Variants in LRSAM1 observed in about 807,000 individuals in gnomAD.
LRSAM1 encodes the protein E3 ubiquitin-protein ligase LRSAM1.
In LRSAM1, 96 loss-of-function variants were observed where a neutral mutation model predicts 118.1. The observed-to-expected ratio is 0.81, with a 90% CI of 0.69 to 0.96. The LOEUF is 0.96. Among genes scored for constraint, LRSAM1 ranks in the 40% least tolerant of loss-of-function variants. The pLI, the probability that LRSAM1 is intolerant of heterozygous loss-of-function variation, is 0.00. For synonymous variants in LRSAM1, 322 were observed against 364.2 expected (o/e 0.88, Z 1.32); for missense variants, 804 against 915.5 (o/e 0.88, Z 1.57).
At chr9:127,458,359 G>T (rs7874857) in intron 6 of LRSAM1, among the ~76,000 whole-genome samples, 2 of 150,268 alleles carry the variant, frequency 1.3e-5, no homozygotes, top group Non-Finnish European at 1.5e-5. Context: ...TCCGCAGTCC[G>T]GCGTGGGCGA....
intron 19 of LRSAM1, among the ~76,000 whole-genome samples, chr9:127,490,728 C>T (rs1352622654): frequency 6.6e-6 from 1 of 152,198 alleles, no homozygotes; most frequent in Non-Finnish European, 1.5e-5. Flanking sequence ...GCAGCACAGG[C>T]CTAGCACATA....
intron 18 of LRSAM1, among the ~76,000 whole-genome samples, chr9:127,488,518 T>C (rs1001622242): frequency 1.3e-5 from 2 of 152,080 alleles, no homozygotes; most frequent in Non-Finnish European, 2.9e-5. Flanking sequence ...CACCTCGGCC[T>C]CCCAAAGTGC....
chr9:127,488,419 G>A (rs905062596), intron 18 of LRSAM1, among the ~76,000 whole-genome samples: 11 of 151,770 alleles, frequency 7.2e-5, no homozygotes, highest in African/African-American at 2.4e-4. Flanking sequence ...CCACCAACAC[G>A]CCCAACTAAT....
At chr9:127,476,678 T>G (rs1835360021) in intron 11 of LRSAM1, among the ~76,000 whole-genome samples, 1 of 152,130 alleles carries the variant, frequency 6.6e-6, no homozygotes, top group African/African-American at 2.4e-5. Context: ...GGAATTGTTT[T>G]CTTTTTTCTT....
chr9:127,489,313 T>A, intron 18 of LRSAM1, 131 bp from the exon 19 acceptor site: 1 of 1,075,440 alleles, frequency 9.3e-7, no homozygotes, highest in Non-Finnish European at 1.4e-6. Flanking sequence ...TGAGGTGAAA[T>A]CTTCTCCCTC....
chr9:127,482,140 C>CTTTTTTTTTTTTTTTT (rs769821359), intron 15 of LRSAM1, among the ~76,000 whole-genome samples: 1 of 117,944 alleles, frequency 8.5e-6, no homozygotes. Context: ...TTTAGTATAT[C>CTTTTTTTTTTTTTTTT]TTTTTTTTTT....
At chr9:127,469,748 C>G (rs908343545) in intron 10 of LRSAM1, among the ~76,000 whole-genome samples, 3 of 152,048 alleles carry the variant, frequency 2.0e-5, no homozygotes, top group Non-Finnish European at 4.4e-5. Flanking sequence ...CGGATCATGA[C>G]GTCAGAAGAT....
intron 19 of LRSAM1, among the ~76,000 whole-genome samples, chr9:127,490,580 A>G (rs1301534753): frequency 1.3e-5 from 2 of 152,134 alleles, no homozygotes; most frequent in African/African-American, 4.8e-5. Flanking sequence ...ATCCCAGAGA[A>G]AGGGATCTCT....
At chr9:127,480,130 C>T (rs943896763) in intron 14 of LRSAM1, 152 bp downstream of exon 14, 16 of 1,019,844 alleles carry the variant, frequency 1.6e-5, no homozygotes, top group African/African-American at 3.2e-5. Flanking sequence ...CTGGCACCAG[C>T]GTAGAGAGAA....
Position 127,482,938 on chromosome 9 carries a change from A to AT in LRSAM1, c.1089-5dup, listed in dbSNP as rs1180277531. 2 of 1,552,438 alleles carry AT rather than the reference A, an allele frequency of 1.3e-6. No homozygotes were observed. Among genetic ancestry groups the AT allele is most frequent in the Non-Finnish European group, 8.7e-7 (1 of 1,147,240 alleles). On this transcript the variant is annotated splice_polypyrimidine_tract_variant and intron_variant, in intron 15 of 25. Transcript: ENST00000300417. ...TTAAATTTGCTGAATGAATGGATGGATTTTTTTCTAGAATAAGAATGGAAC... is the reference window on the plus strand; with the variant it reads ...TTAAATTTGCTGAATGAATGGATGGATTTTTTTTCTAGAATAAGAATGGAAC...
Position 127,465,509 on chromosome 9 carries a change from T to C in LRSAM1, c.529-2231T>C. On this transcript the variant is annotated intron_variant, in intron 9 of 25. Transcript: ENST00000300417. The surrounding 1 kb of genome is among the most constrained non-coding windows in gnomAD (Gnocchi z 4.1). Reference sequence around the variant, plus strand: ...TACTGATGGTGACTAAGAGCACCCATGTGGGGTTCATTTGCTTCCAGGTAT... The same window carrying C: ...TACTGATGGTGACTAAGAGCACCCACGTGGGGTTCATTTGCTTCCAGGTAT... Among the ~76,000 whole-genome samples the C allele has an allele frequency of 6.6e-6, 1 of 152,258 alleles. No homozygotes were observed.
At chr9:127,485,888 G>A in intron 17 of LRSAM1, 53 bp downstream of exon 17, 4 of 1,561,750 alleles carry the variant, frequency 2.6e-6, no homozygotes, top group Non-Finnish European at 3.5e-6. Flanking sequence ...GCTGGCTCAG[G>A]GCCCAAGACC....
intron 8 of LRSAM1, among the ~76,000 whole-genome samples, chr9:127,461,746 C>T (rs889023518): frequency 6.6e-6 from 1 of 152,260 alleles, no homozygotes; most frequent in Non-Finnish European, 1.5e-5. Flanking sequence ...GGGATGGTGA[C>T]AGAGCCAAGA....
At chr9:127,488,027 G>T (rs1189598492) in intron 18 of LRSAM1, among the ~76,000 whole-genome samples, 1 of 152,062 alleles carries the variant, frequency 6.6e-6, no homozygotes, top group Non-Finnish European at 1.5e-5. Context: ...TGTGTAGGAG[G>T]CTCCATTGGA....
chr9:127,454,962 G>T, intron 3 of LRSAM1, 36 bp from the exon 4 acceptor site: 1 of 1,603,666 alleles, frequency 6.2e-7, no homozygotes, highest in Non-Finnish European at 8.5e-7. Context: ...AAGGTGTTTT[G>T]TCTTAATACT....
At chr9:127,461,371 C>T (rs886627187) in intron 8 of LRSAM1, 114 bp downstream of exon 8, 41 of 863,006 alleles carry the variant, frequency 4.8e-5, no homozygotes, top group African/African-American at 1.2e-4. Context: ...AGCCAGTCTC[C>T]GGGGGTCGCT....
In LRSAM1 at chr9:127,457,443, C is replaced by A. The variant is rs112435797; in HGVS notation, c.252+50C>A. 4.8e-4 allele frequency: 757 copies of A among 1,578,304 alleles called. 1 individual carries two copies. In the African/African-American group the frequency reaches 9.0e-3, roughly 19 times the overall value. On this transcript the variant is annotated intron_variant, in intron 6 of 25. Coordinates refer to ENST00000300417, the MANE Select transcript of LRSAM1 (RefSeq NM_001005373.4). Reference sequence around the variant, plus strand: ...CTGGGGCTCTGCATGGGGTTCCACGCGGCAGCTGAGCGCCTGCTCCTTTTG... The same window carrying A: ...CTGGGGCTCTGCATGGGGTTCCACGAGGCAGCTGAGCGCCTGCTCCTTTTG...
At chr9:127,469,882 G>T (rs973882084) in intron 10 of LRSAM1, among the ~76,000 whole-genome samples, 2 of 151,328 alleles carry the variant, frequency 1.3e-5, no homozygotes, top group Admixed American at 6.6e-5. Context: ...GGAGAATGGC[G>T]TGAACCCGGG....
chr9:127,481,105 C>T (rs1212756510), intron 14 of LRSAM1, 78 bp from the exon 15 acceptor site: 1 of 1,532,990 alleles, frequency 6.5e-7, no homozygotes, highest in Non-Finnish European at 9.0e-7. Context: ...TTCCTAAGCC[C>T]CTCTGCACAG....
Sources: gnomAD v4.1 joint callset for allele counts (sites outside exome capture counted in the v4.1 genomes callset) on GRCh38, gnomAD v4.1.1 for gene constraint, Gnocchi (gnomAD v3.1) non-coding constraint, MANE v1.5 for transcripts, NCBI Gene and HGNC (gene_info 2026-07-23, HGNC 2026-07-21) for gene names.